Variants in ZFAND3 observed in about 807,000 individuals in gnomAD.
ZFAND3 encodes AN1-type zinc finger protein 3.
Under a neutral mutation model 29.6 loss-of-function variants are expected in ZFAND3, and 10 were observed. The ratio of observed to expected loss-of-function variants is 0.34; its 90% CI spans 0.21 to 0.57. The LOEUF is 0.57. Among genes scored for constraint, ZFAND3 ranks in the 20% least tolerant of loss-of-function variants. The pLI, the probability that ZFAND3 is intolerant of heterozygous loss-of-function variation, is 0.86. For missense variants in ZFAND3, 230 were observed against 304.5 expected (o/e 0.76, Z 1.82); for synonymous variants, 128 against 112.6 (o/e 1.14, Z -0.87).
At chr6:38,002,800 A>C (rs1339648222) in intron 2 of ZFAND3, 1 of 152,222 alleles carries the variant, frequency 6.6e-6, no homozygotes, top group Non-Finnish European at 1.5e-5. Context: ...GGATTGGTTG[A>C]TATTATCTCC....
Position 37,851,944 on chromosome 6 carries a change from A to C in ZFAND3, c.71+31928A>C, listed in dbSNP as rs578255566. Among the ~76,000 whole-genome samples, 12 of 152,346 alleles carry C rather than the reference A, an allele frequency of 7.9e-5. No individual in the cohort carries two copies. The South Asian group carries it at 1.7e-3, about 21-fold the overall frequency. On this transcript the variant is annotated intron_variant, in intron 1 of 5. Coordinates refer to ENST00000287218, the MANE Select transcript of ZFAND3 (RefSeq NM_021943.3). Reference sequence around the variant, plus strand: ...TTTAAAGGCACAGAAACAATAGCTGATACATTGCAGTAAAGTGTTCATCTT... The same window carrying C: ...TTTAAAGGCACAGAAACAATAGCTGCTACATTGCAGTAAAGTGTTCATCTT...
chr6:38,006,677 TA>T (rs753944317), intron 2 of ZFAND3, among the ~76,000 whole-genome samples: 1 of 141,158 alleles, frequency 7.1e-6, no homozygotes, highest in Non-Finnish European at 1.5e-5. Context: ...TTTTTTTTTT[TA>T]ATTGATGGTT....
chr6:38,061,888 G>C, intron 3 of ZFAND3, 113 bp downstream of exon 3: 1 of 1,291,918 alleles, frequency 7.7e-7, no homozygotes, highest in Non-Finnish European at 1.0e-6. Flanking sequence ...TTCAAGATAA[G>C]TGTCCACATA....
At chr6:37,906,460 A>T (rs976893773) in intron 1 of ZFAND3, among the ~76,000 whole-genome samples, 1 of 152,050 alleles carries the variant, frequency 6.6e-6, no homozygotes, top group Non-Finnish European at 1.5e-5. Context: ...GGTCCCTTCC[A>T]CCTTTTGGCT....
chr6:38,000,453 T>C (rs1213986863), intron 2 of ZFAND3, among the ~76,000 whole-genome samples: 1 of 152,158 alleles, frequency 6.6e-6, no homozygotes, highest in African/African-American at 2.4e-5. Flanking sequence ...CATTTTGGCA[T>C]GGCTGGGGAG....
At chr6:38,104,215 A>C (rs891172774) in intron 4 of ZFAND3, among the ~76,000 whole-genome samples, 1 of 152,114 alleles carries the variant, frequency 6.6e-6, no homozygotes, top group Non-Finnish European at 1.5e-5. Context: ...CTTAACAAAC[A>C]GGGATGGTGG....
At chr6:38,099,330 G>A (rs554159642) in intron 4 of ZFAND3, among the ~76,000 whole-genome samples, 1 of 152,290 alleles carries the variant, frequency 6.6e-6, no homozygotes, top group African/African-American at 2.4e-5. Context: ...GAACAGCCAA[G>A]TGCCTCTGTG....
intron 2 of ZFAND3, among the ~76,000 whole-genome samples, chr6:37,954,549 T>G (rs944292876): frequency 9.9e-5 from 15 of 152,196 alleles, no homozygotes; most frequent in African/African-American, 3.6e-4. Flanking sequence ...CCCGTCTAGC[T>G]TTTTGCACAC....
intron 1 of ZFAND3, among the ~76,000 whole-genome samples, chr6:37,830,079 A>G (rs563642485): frequency 3.0e-4 from 45 of 152,328 alleles, no homozygotes; most frequent in African/African-American, 1.1e-3. Context: ...ATTCTAAATA[A>G]ATTAGATTTT....
intron 2 of ZFAND3, among the ~76,000 whole-genome samples, chr6:37,934,837 T>C: frequency 5.5e-5 from 1 of 18,208 alleles, no homozygotes; most frequent in Non-Finnish European, 1.1e-4. Context: ...AGACTCTGTC[T>C]CAAAAAAAAA....
Position 38,135,644 on chromosome 6 carries a change from C to T in ZFAND3, c.530-16591C>T, listed in dbSNP as rs556486145. On this transcript the variant is annotated intron_variant, in intron 5 of 5. Transcript: ENST00000287218. ...CCTGTAATCCCAGCTACTCAGGAGG[C>T]TGAGGCAGGAGAATCGCTGGAATCT... Among the ~76,000 whole-genome samples, 9 of 152,244 alleles carry T rather than the reference C, an allele frequency of 5.9e-5. No individual in the cohort carries two copies. The South Asian group carries it at 1.7e-3, about 28-fold the overall frequency.
chr6:37,990,600 A>G (rs1012109381), intron 2 of ZFAND3, among the ~76,000 whole-genome samples: 2 of 152,244 alleles, frequency 1.3e-5, no homozygotes, highest in African/African-American at 4.8e-5. Flanking sequence ...CAAAATCAAA[A>G]CAAGGCAAAA....
chr6:38,117,778 TAA>T (rs1363097951), intron 5 of ZFAND3, among the ~76,000 whole-genome samples: 88 of 152,350 alleles, frequency 5.8e-4, no homozygotes, highest in Non-Finnish European at 1.8e-4. Flanking sequence ...TCAGCAGTTA[TAA>T]AGTAATGGTC....
At chr6:37,980,879 TG>T (rs1328396252) in intron 2 of ZFAND3, among the ~76,000 whole-genome samples, 1 of 152,208 alleles carries the variant, frequency 6.6e-6, no homozygotes, top group Non-Finnish European at 1.5e-5. Flanking sequence ...AAGCCTTCCC[TG>T]CTGCAATATT....
chr6:37,896,146 A>C (rs1581742342), intron 1 of ZFAND3, among the ~76,000 whole-genome samples: 1 of 152,210 alleles, frequency 6.6e-6, no homozygotes, highest in East Asian at 1.9e-4. Flanking sequence ...GTTAGGTTTG[A>C]TGTTCCATTT....
chr6:37,834,151 G>T (rs774033266), intron 1 of ZFAND3, among the ~76,000 whole-genome samples: 7 of 152,038 alleles, frequency 4.6e-5, no homozygotes, highest in South Asian at 2.1e-4. Context: ...AACCCTCTCT[G>T]CTCTGCCTGT....
rs557219542 is a variant in ZFAND3, at chr6:37,846,516, T to C, written c.71+26500T>C. On this transcript the variant is annotated intron_variant, in intron 1 of 5. Transcript: ENST00000287218. ...GGCAGCTGATATTTCTGTAGCACTA[T>C]GTAGTATACAGACCCTTTCACATAA... 2.2e-3 allele frequency among the ~76,000 whole-genome samples: 342 copies of C among 152,320 alleles called. 3 individuals are homozygous for C. The highest frequency in any genetic ancestry group is 3.4e-3 in the Middle Eastern group (1 of 294).
intron 3 of ZFAND3, among the ~76,000 whole-genome samples, chr6:38,078,074 G>T (rs1016028853): frequency 2.0e-5 from 3 of 152,182 alleles, no homozygotes; most frequent in African/African-American, 7.2e-5. Flanking sequence ...TTTGACCCAT[G>T]TCTTCAACTT....
chr6:37,886,718 G>T (rs1228344339), intron 1 of ZFAND3, among the ~76,000 whole-genome samples: 3 of 152,174 alleles, frequency 2.0e-5, no homozygotes, highest in African/African-American at 7.2e-5. Context: ...TAGTTGTCTG[G>T]ACGTGGTGGT....
Sources: gnomAD v4.1 joint callset for allele counts (sites outside exome capture counted in the v4.1 genomes callset) on GRCh38, gnomAD v4.1.1 for gene constraint, MANE v1.5 for transcripts, NCBI Gene and HGNC (gene_info 2026-07-23, HGNC 2026-07-21) for gene names.